Variants in STPG2 observed in about 807,000 individuals in gnomAD.
STPG2 encodes the protein sperm tail PG-rich repeat containing 2.
In STPG2, 56 loss-of-function variants were observed where a neutral mutation model predicts 54.2. The observed-to-expected ratio is 1.03, with a 90% CI of 0.83 to 1.29. STPG2 has a LOEUF of 1.29. Ranked by LOEUF, STPG2 falls within the 50% of genes most tolerant of loss-of-function variation. STPG2 has a pLI of 0.00. For missense variants in STPG2, 596 were observed against 544.9 expected (o/e 1.09, Z -0.93); for synonymous variants, 200 against 181.8 (o/e 1.10, Z -0.81).
At chr4:97,739,998 C>T (rs1257408205) in intron 9 of STPG2, among the ~76,000 whole-genome samples, 10 of 151,930 alleles carry the variant, frequency 6.6e-5, no homozygotes, top group African/African-American at 2.4e-4. Flanking sequence ...AGCAGCACAT[C>T]AAAAAGCTTA....
chr4:97,622,351 A>T lies in STPG2; in HGVS notation c.1321-63234T>A, dbSNP rs1034698040. On this transcript the variant is annotated intron_variant, in intron 10 of 10. Transcript: ENST00000295268. ...GAAGTCAAACCACCCTTGTTTACCA[A>T]TGATATGACTCTATACCTAGAAAAC... Among the ~76,000 whole-genome samples the T allele has an allele frequency of 2.0e-5, 3 of 152,188 alleles. No homozygotes were observed. In the East Asian group the frequency reaches 5.8e-4, roughly 29 times the overall value.
intron 8 of STPG2, among the ~76,000 whole-genome samples, chr4:97,922,135 C>A (rs1462947057): frequency 6.6e-6 from 1 of 152,026 alleles, no homozygotes; most frequent in Non-Finnish European, 1.5e-5. Context: ...AGGTCATATA[C>A]TTAAAAATTG....
chr4:97,873,343 T>TA (rs549706571), intron 8 of STPG2, among the ~76,000 whole-genome samples: 32 of 151,418 alleles, frequency 2.1e-4, no homozygotes, highest in Non-Finnish European at 4.4e-4. Context: ...GAAAGTAGCT[T>TA]AAAATTGTTA....
chr4:97,602,533 T>C (rs1357460041), intron 10 of STPG2, among the ~76,000 whole-genome samples: 3 of 151,854 alleles, frequency 2.0e-5, no homozygotes, highest in South Asian at 2.1e-4. Context: ...CATTATAACA[T>C]TGAATACAAT....
At chr4:97,787,890 C>T (rs1028454418) in intron 9 of STPG2, among the ~76,000 whole-genome samples, 1 of 151,378 alleles carries the variant, frequency 6.6e-6, no homozygotes, top group Non-Finnish European at 1.5e-5. Context: ...TAGATATTGA[C>T]ATATAGCTAT....
chr4:97,944,157 T>G, intron 7 of STPG2, 150 bp from the exon 8 acceptor site: 1 of 577,418 alleles, frequency 1.7e-6, no homozygotes, highest in Non-Finnish European at 3.0e-6. Context: ...TTTCAAAATA[T>G]GACACAGAAA....
At chr4:97,633,397 A>C (rs913647484) in intron 10 of STPG2, 3 of 152,220 alleles carry the variant, frequency 2.0e-5, no homozygotes, top group Non-Finnish European at 4.4e-5. Context: ...AAACATACTC[A>C]ATAAAGTAAT....
intron 9 of STPG2, among the ~76,000 whole-genome samples, chr4:97,727,771 A>G (rs1013731440): frequency 6.6e-6 from 1 of 151,582 alleles, no homozygotes; most frequent in Non-Finnish European, 1.5e-5. Context: ...GTGTAAATTA[A>G]TTTAAAAATT....
intron 8 of STPG2, among the ~76,000 whole-genome samples, chr4:97,861,952 C>G (rs1168738049): frequency 6.6e-6 from 1 of 152,082 alleles, no homozygotes; most frequent in South Asian, 2.1e-4. Flanking sequence ...CAACTGGTAC[C>G]AGCCACTGCA....
chr4:97,480,104 T>C (rs1376295561), intron 4 of STPG2, among the ~76,000 whole-genome samples: 2 of 151,574 alleles, frequency 1.3e-5, no homozygotes, highest in South Asian at 2.1e-4. Flanking sequence ...ACAAAAATAA[T>C]ATAAAGCAAG....
intron 9 of STPG2, among the ~76,000 whole-genome samples, chr4:97,817,307 C>G (rs1422613707): frequency 6.6e-6 from 1 of 151,358 alleles, no homozygotes; most frequent in Non-Finnish European, 1.5e-5. Flanking sequence ...TATGAACTAT[C>G]TGATAAATTA....
chr4:97,708,530 T>C (rs895943225), intron 10 of STPG2, among the ~76,000 whole-genome samples: 1 of 151,866 alleles, frequency 6.6e-6, no homozygotes, highest in Non-Finnish European at 1.5e-5. Flanking sequence ...TCTAAGAATT[T>C]TTCCTTAAGA....
chr4:97,937,852 G>A (rs1732804437), intron 8 of STPG2, among the ~76,000 whole-genome samples: 2 of 152,120 alleles, frequency 1.3e-5, no homozygotes, highest in African/African-American at 2.4e-5. Context: ...GGGGGCTGCT[G>A]CACAACTGGG....
chr4:98,062,889 T>A (rs894144254), intron 5 of STPG2, among the ~76,000 whole-genome samples: 2 of 151,944 alleles, frequency 1.3e-5, no homozygotes, highest in Non-Finnish European at 2.9e-5. Context: ...GTAGTAATTA[T>A]ATAGTTATTA....
rs1726830578 is a variant in STPG2 at position 97,786,572 on chromosome 4, TAAAC to T, written c.1204+54197_1204+54200del. ...AATATTACATGAAAATTTTCAGAAA[TAAAC>T]AACGCATCCATTCTAAATTATACAC... On this transcript the variant is annotated intron_variant, in intron 9 of 10. Transcript: ENST00000295268. Among the ~76,000 whole-genome samples the T allele has an allele frequency of 1.5e-4, 23 of 152,242 alleles. No individual in the cohort carries two copies. The South Asian group carries it at 4.6e-3, about 30-fold the overall frequency.
intron 7 of STPG2, among the ~76,000 whole-genome samples, chr4:97,951,659 T>A (rs1733476939): frequency 1.3e-5 from 2 of 152,142 alleles, no homozygotes; most frequent in South Asian, 4.1e-4. Context: ...GGTAGCAACA[T>A]GCTCAGTGTG....
At chr4:97,749,019 T>C (rs1455444391) in intron 9 of STPG2, among the ~76,000 whole-genome samples, 1 of 151,606 alleles carries the variant, frequency 6.6e-6, no homozygotes, top group Non-Finnish European at 1.5e-5. Context: ...TTTGGGTGTC[T>C]GTTCTCTAGG....
intron 5 of STPG2, among the ~76,000 whole-genome samples, chr4:98,031,539 G>C (rs1388987445): frequency 6.6e-6 from 1 of 151,992 alleles, no homozygotes; most frequent in Non-Finnish European, 1.5e-5. Flanking sequence ...TTAGCTGGGC[G>C]TGGTGGCCTG....
At chr4:98,043,736 A>G (rs1252512518) in intron 5 of STPG2, among the ~76,000 whole-genome samples, 2 of 151,982 alleles carry the variant, frequency 1.3e-5, no homozygotes, top group Non-Finnish European at 2.9e-5. Flanking sequence ...AATTAGGATT[A>G]TTTGTCTAAA....
Sources: gnomAD v4.1 joint callset for allele counts (sites outside exome capture counted in the v4.1 genomes callset) on GRCh38, gnomAD v4.1.1 for gene constraint, MANE v1.5 for transcripts, NCBI Gene and HGNC (gene_info 2026-07-23, HGNC 2026-07-21) for gene names.